Variants in XRN1 observed in about 807,000 individuals in gnomAD.
The protein encoded by XRN1 is strand-exchange protein 1 homolog.
A neutral mutation model predicts 222.3 loss-of-function variants in XRN1; 67 were observed. The ratio of observed to expected loss-of-function variants is 0.30; its 90% CI spans 0.25 to 0.37. XRN1 has a LOEUF of 0.37. Ranked by LOEUF, XRN1 falls within the 10% of genes least tolerant of loss-of-function variation. The pLI is 1.00. For missense variants in XRN1, 1,707 were observed against 2,000.2 expected, an observed-to-expected ratio of 0.85 and a Z score of 2.80; for synonymous variants, 643 against 652.4, an observed-to-expected ratio of 0.99 and a Z score of 0.22.
chr3:142,372,686 TC>T (rs1242067028), intron 25 of XRN1, among the ~76,000 whole-genome samples: 1 of 152,224 alleles, frequency 6.6e-6, no homozygotes, highest in Non-Finnish European at 1.5e-5. Flanking sequence ...AAAGCAGCAT[TC>T]CTGCTGCAAG....
At chr3:142,433,387 A>T (rs1381361650) in intron 1 of XRN1, among the ~76,000 whole-genome samples, 1 of 152,184 alleles carries the variant, frequency 6.6e-6, no homozygotes, top group African/African-American at 2.4e-5. Context: ...TGGTTATATT[A>T]ATTTTTAAAA....
At chr3:142,325,178 TC>T (rs2065482397) in intron 37 of XRN1, among the ~76,000 whole-genome samples, 1 of 152,204 alleles carries the variant, frequency 6.6e-6, no homozygotes, top group Non-Finnish European at 1.5e-5. Flanking sequence ...AATTTACGTT[TC>T]CACCAACAAT....
chr3:142,332,497 T>C lies in XRN1; in HGVS notation c.4100A>G (p.Asp1367Gly), dbSNP rs924317377. Residue 1367 changes from aspartate (D) to glycine (G), a missense_variant, in exon 36 of 41, where the codon GAT becomes GGT. This residue lies in a region of XRN1 where 473 missense variants were observed against 482.0 expected (regional missense o/e 0.98). Transcript: ENST00000392981. ...CTTATGGTCCACAGTGTTAGAGCCATCAATTTTTAGAATTTCTTTAAGCAT... is the reference window on the plus strand; with the variant it reads ...CTTATGGTCCACAGTGTTAGAGCCACCAATTTTTAGAATTTCTTTAAGCAT... ...TRMLKEILKI[D>G]GSNTVDHKNE... is the part of the protein sequence containing the mutation. 6.2e-7 allele frequency: 1 copy of C among 1,611,004 alleles called. No homozygotes were observed. Among genetic ancestry groups the C allele is most frequent in the Non-Finnish European group, 8.5e-7 (1 of 1,178,868 alleles).
rs1446951075 is a variant in XRN1, at chr3:142,417,261, T to C, written c.1347-32A>G. 7 of 1,600,448 alleles carry C rather than the reference T, an allele frequency of 4.4e-6. 1 individual carries two copies. The highest frequency in any genetic ancestry group is 6.0e-6 in the Non-Finnish European group (7 of 1,169,216). On this transcript the variant is annotated intron_variant, in intron 12 of 40. Transcript: ENST00000392981. ...ATAGAATATTTTCATTATAACATAT[T>C]TTCTGAAGACAGGCCCGTGTCTTTA...
intron 20 of XRN1, among the ~76,000 whole-genome samples, chr3:142,395,363 G>A (rs1438089150): frequency 1.3e-5 from 2 of 152,184 alleles, no homozygotes; most frequent in East Asian, 1.9e-4. Flanking sequence ...CAACTTGGTC[G>A]ACAAGGTTAA....
chr3:142,339,242 C>A (rs774314760), intron 33 of XRN1, among the ~76,000 whole-genome samples: 2 of 152,008 alleles, frequency 1.3e-5, no homozygotes, highest in Non-Finnish European at 2.9e-5. Flanking sequence ...AAAGAGATAC[C>A]CCATTTGTTT....
chr3:142,313,291 T>G (rs1326122035), intron 39 of XRN1: 56 of 1,170,096 alleles, frequency 4.8e-5, no homozygotes, highest in Non-Finnish European at 6.9e-5. Flanking sequence ...CACTTACAGT[T>G]TGTTTATTAA....
intron 10 of XRN1, 131 bp from the exon 11 acceptor site, chr3:142,419,012 C>T: frequency 1.3e-6 from 1 of 799,590 alleles, no homozygotes; most frequent in South Asian, 1.6e-5. Context: ...TCCTGCCCAT[C>T]TGTTTTTCCT....
In XRN1 at chr3:142,417,173, T is replaced by C. The variant is rs1319835072; in HGVS notation, c.1403A>G (p.His468Arg). 1.2e-6 allele frequency: 2 copies of C among 1,613,836 alleles called. No individual in the cohort carries two copies. The highest frequency in any genetic ancestry group is 1.7e-6 in the Non-Finnish European group (2 of 1,179,906). The change falls in exon 13 of 41, where the codon CAC becomes CGC. Residue 468 changes from histidine to arginine, a missense_variant. Coordinates refer to ENST00000392981, the MANE Select transcript of XRN1 (RefSeq NM_001282857.2). ...CYVQAIQWIL[H>R]YYYHGVQSWS... is the part of the protein sequence containing the mutation. ...GGACTGAACTCCATGATAGTAATAGTGCAAAATCCACTGTATTGCCTGAAC... is the reference window on the plus strand; with the variant it reads ...GGACTGAACTCCATGATAGTAATAGCGCAAAATCCACTGTATTGCCTGAAC...
intron 20 of XRN1, 63 bp downstream of exon 20, chr3:142,397,266 G>A (rs1472721888): frequency 4.9e-6 from 7 of 1,430,478 alleles, no homozygotes; most frequent in Non-Finnish European, 5.6e-6. Flanking sequence ...AAATAAGTTA[G>A]AGAATGAGTA....
intron 29 of XRN1, among the ~76,000 whole-genome samples, chr3:142,362,382 C>G (rs112836948): frequency 2.0e-5 from 3 of 152,124 alleles, no homozygotes; most frequent in Non-Finnish European, 4.4e-5. Flanking sequence ...GTGAGCCGCC[C>G]GCCTTGGCTT....
In XRN1 at chr3:142,371,427, C is replaced by T. The variant is rs547745592; in HGVS notation, c.2979-99G>A. Reference sequence around the variant, plus strand: ...TCAGATCCTAAAGAAACATATAAAGCTTATTGAGGACTACTATAATATTAA... The same window carrying T: ...TCAGATCCTAAAGAAACATATAAAGTTTATTGAGGACTACTATAATATTAA... On this transcript the variant is annotated intron_variant, in intron 25 of 40. Coordinates refer to ENST00000392981, the MANE Select transcript of XRN1 (RefSeq NM_001282857.2). 38 of 841,600 alleles carry T rather than the reference C, an allele frequency of 4.5e-5. No individual in the cohort carries two copies. In the South Asian group the frequency reaches 5.3e-4, roughly 12 times the overall value. 52.1% of individuals were successfully genotyped at this position (841,600 alleles called of 1,614,324 possible).
intron 1 of XRN1, among the ~76,000 whole-genome samples, chr3:142,444,092 C>T (rs151201696): frequency 5.3e-5 from 8 of 152,106 alleles, no homozygotes; most frequent in Non-Finnish European, 1.0e-4. Flanking sequence ...GAAGGGTAGT[C>T]GGGGAGTCAG....
At chr3:142,390,742 G>T (rs2067682858) in intron 20 of XRN1, among the ~76,000 whole-genome samples, 1 of 152,296 alleles carries the variant, frequency 6.6e-6, no homozygotes, top group East Asian at 1.9e-4. Flanking sequence ...ACTATTTGGT[G>T]CAAGAAGCCT....
At chr3:142,328,315 C>T (rs1453063758) in intron 37 of XRN1, among the ~76,000 whole-genome samples, 1 of 152,052 alleles carries the variant, frequency 6.6e-6, no homozygotes. Context: ...CCGTATCCTA[C>T]AGGTTTTGGT....
chr3:142,334,026 T>C (rs1014876020), intron 34 of XRN1, among the ~76,000 whole-genome samples: 2 of 152,232 alleles, frequency 1.3e-5, no homozygotes, highest in Non-Finnish European at 2.9e-5. Flanking sequence ...AAATCAACTA[T>C]GAAAACCACA....
intron 1 of XRN1, among the ~76,000 whole-genome samples, chr3:142,442,835 G>A (rs1371627032): frequency 2.6e-5 from 4 of 151,980 alleles, no homozygotes; most frequent in African/African-American, 9.7e-5. Context: ...CTGGGTTCAC[G>A]CCATTCTCCT....
At position 142,338,793 on chromosome 3, in the gene XRN1, A is replaced by G. The variant is rs554582206; in HGVS notation, c.3878-3284T>C. Among the ~76,000 whole-genome samples, 7 of 152,290 alleles carry G rather than the reference A, an allele frequency of 4.6e-5. No homozygotes were observed. In the South Asian group the frequency reaches 1.5e-3, roughly 32 times the overall value. ...CTGACTGAAGAACCCTTGGGAGTTCATCAGCAACAGCCTAGCAGTACTCCC... is the reference window on the plus strand; with the variant it reads ...CTGACTGAAGAACCCTTGGGAGTTCGTCAGCAACAGCCTAGCAGTACTCCC... On this transcript the variant is annotated intron_variant, in intron 33 of 40. Coordinates refer to ENST00000392981, the MANE Select transcript of XRN1 (RefSeq NM_001282857.2).
intron 2 of XRN1, 138 bp from the exon 3 acceptor site, chr3:142,426,979 A>T: frequency 1.6e-6 from 1 of 633,682 alleles, no homozygotes; most frequent in South Asian, 2.1e-5. Context: ...AAGTTTTGAA[A>T]TGATTATGAT....
Sources: gnomAD v4.1 joint callset for allele counts (sites outside exome capture counted in the v4.1 genomes callset) on GRCh38, gnomAD v4.1.1 for gene constraint, gnomAD v4.1.1 regional missense constraint, MANE v1.5 for transcripts, NCBI Gene and HGNC (gene_info 2026-07-23, HGNC 2026-07-21) for gene names.